The following MBTD1 variants were observed in gnomAD, a reference collection of about 807,000 sequenced individuals.
MBTD1 encodes the protein MBT domain-containing protein 1.
In MBTD1, 24 loss-of-function variants were observed where a neutral mutation model predicts 87.8. The observed-to-expected ratio is 0.27, with a 90% CI of 0.20 to 0.38. The LOEUF is 0.38. MBTD1 is among the 10% of genes least tolerant of loss of function. The pLI is 1.00. For synonymous variants in MBTD1, 237 were observed against 248.6 expected, an observed-to-expected ratio of 0.95 and a Z score of 0.44; for missense variants, 436 against 760.2, an observed-to-expected ratio of 0.57 and a Z score of 5.02.
intron 2 of MBTD1, among the ~76,000 whole-genome samples, chr17:51,247,218 C>G (rs955468759): frequency 6.6e-6 from 1 of 152,102 alleles, no homozygotes; most frequent in Admixed American, 6.5e-5. Context: ...AAAGAGAACA[C>G]AACTTTTCTC....
At chr17:51,223,415 A>G (rs188512315) in intron 3 of MBTD1, among the ~76,000 whole-genome samples, 1 of 152,122 alleles carries the variant, frequency 6.6e-6, no homozygotes, top group East Asian at 2.0e-4. Flanking sequence ...ATGTGCCTAC[A>G]GTACCAGCTA....
intron 6 of MBTD1, among the ~76,000 whole-genome samples, 190 bp from the exon 7 acceptor site, chr17:51,207,195 ATAT>A: frequency 6.6e-6 from 1 of 152,230 alleles, no homozygotes. Flanking sequence ...GAAAATTCAC[ATAT>A]ATTAGACTAG....
intron 16 of MBTD1, among the ~76,000 whole-genome samples, chr17:51,181,602 A>C (rs572586835): frequency 1.3e-5 from 2 of 152,122 alleles, no homozygotes; most frequent in South Asian, 4.2e-4. Context: ...GATTACAGTG[A>C]CCTATGATTG....
intron 16 of MBTD1, among the ~76,000 whole-genome samples, chr17:51,188,298 CCTTATA>C (rs1446450477): frequency 6.6e-6 from 1 of 152,182 alleles, no homozygotes; most frequent in Non-Finnish European, 1.5e-5. Context: ...TCTGGCAGAA[CCTTATA>C]CTTATTCTCA....
chr17:51,212,393 T>C (rs2052293335), intron 6 of MBTD1, among the ~76,000 whole-genome samples: 1 of 148,876 alleles, frequency 6.7e-6, no homozygotes, highest in South Asian at 2.1e-4. Flanking sequence ...AGAAAAAGTA[T>C]GATAAACTCA....
intron 4 of MBTD1, among the ~76,000 whole-genome samples, chr17:51,219,831 C>T (rs903288200): frequency 3.9e-5 from 6 of 152,286 alleles, no homozygotes; most frequent in Admixed American, 6.5e-5. Context: ...TAAAGCAAGA[C>T]GATTTTCTTT....
rs1304626130 is a variant in MBTD1 at position 51,202,891 on chromosome 17, T to A, written c.873A>T (p.Val291=). 1 of 1,614,056 alleles carries A rather than the reference T, an allele frequency of 6.2e-7. No individual in the cohort carries two copies. Among genetic ancestry groups the A allele is most frequent in the Admixed American group, 1.7e-5 (1 of 60,006 alleles). Residue 291 remains valine, a synonymous_variant, in exon 10 of 17, where the codon GTA becomes GTT. Coordinates refer to ENST00000586178, the MANE Select transcript of MBTD1 (RefSeq NM_017643.3). ...ACAAATGCCTCTTGTCAACCACTTC[T>A]ACTCTCATGCAAGGTTTGAAAGGAT... ...MQYPFKPCMR[V]EVVDKRHLCR...
intron 16 of MBTD1, among the ~76,000 whole-genome samples, chr17:51,191,231 T>A (rs2050792836): frequency 6.6e-6 from 1 of 151,544 alleles, no homozygotes. Flanking sequence ...CAATTCACTG[T>A]AAGGTAAAAT....
chr17:51,207,411 C>T (rs776902111), intron 6 of MBTD1, among the ~76,000 whole-genome samples: 16 of 152,214 alleles, frequency 1.1e-4, no homozygotes, highest in Middle Eastern at 3.4e-3. Flanking sequence ...AAAAACAATT[C>T]CAATCAGCAG....
Position 51,202,687 on chromosome 17 carries a change from T to C in MBTD1, c.1063+14A>G. ...ATGATGCTTTTGACAGGAGTTCTTG[T>C]GATAGGTGCTTACCAGATCTTTTGA... On this transcript the variant is annotated intron_variant, in intron 10 of 16. Transcript: ENST00000586178. 6.3e-7 allele frequency: 1 copy of C among 1,591,434 alleles called. No individual in the cohort carries two copies. Among genetic ancestry groups the C allele is most frequent in the Non-Finnish European group, 8.6e-7 (1 of 1,159,364 alleles).
At chr17:51,195,142 A>T in intron 13 of MBTD1, 72 bp downstream of exon 13, 1 of 1,402,270 alleles carries the variant, frequency 7.1e-7, no homozygotes, top group Non-Finnish European at 9.9e-7. Flanking sequence ...GGCTGTGTTA[A>T]ATGTTGTAAA....
chr17:51,235,386 C>A (rs905253723), intron 2 of MBTD1, among the ~76,000 whole-genome samples: 1 of 152,140 alleles, frequency 6.6e-6, no homozygotes, highest in African/African-American at 2.4e-5. Context: ...AATCCACCCA[C>A]CTCAGCCTCC....
intron 2 of MBTD1, among the ~76,000 whole-genome samples, chr17:51,237,706 G>A (rs1048222407): frequency 1.3e-5 from 2 of 152,156 alleles, no homozygotes; most frequent in African/African-American, 2.4e-5. Context: ...ATACATTGTG[G>A]ATGAGAATGT....
chr17:51,259,214 G>A lies in MBTD1; in HGVS notation c.-112-8C>T. On this transcript the variant is annotated splice_region_variant and splice_polypyrimidine_tract_variant and intron_variant, in intron 1 of 16. Transcript: ENST00000586178. ...CTAATGTCTCTTCCGACTCTGAAAT[G>A]TTAGGATTCTTATTTCACAAAGGAG... is the stretch of plus-strand genomic sequence containing the variant. 1 of 1,221,076 alleles carries A rather than the reference G, an allele frequency of 8.2e-7. No homozygotes were observed. The highest frequency in any genetic ancestry group is 1.0e-6 in the Non-Finnish European group (1 of 977,918). 75.6% of individuals were successfully genotyped at this position (1,221,076 alleles called of 1,614,324 possible). A position where few individuals can be genotyped will look rare whatever the true frequency, so the allele number is the denominator to read the frequency against.
Position 51,180,551 on chromosome 17 carries a change from A to AC in MBTD1, c.*24dup. On this transcript the variant is annotated 3_prime_UTR_variant, in exon 17 of 17. Transcript: ENST00000586178. ...TCAGTCCTGTGTAAAATCCTTCCCCACCCGCCCTCAGTTTCTAAGCCACCT... is the reference window on the plus strand; with the variant it reads ...TCAGTCCTGTGTAAAATCCTTCCCCACCCCGCCCTCAGTTTCTAAGCCACCT... The AC allele has an allele frequency of 7.9e-7, 1 of 1,270,168 alleles. No homozygotes were observed. The highest frequency in any genetic ancestry group is 1.1e-6 in the Non-Finnish European group (1 of 893,858). The allele number at this position is 1,270,168 out of a possible 1,614,324, so 78.7% of individuals were successfully genotyped here. A position where few individuals can be genotyped will look rare whatever the true frequency, so the allele number is the denominator to read the frequency against.
intron 12 of MBTD1, among the ~76,000 whole-genome samples, chr17:51,196,722 C>T (rs1044799425): frequency 2.6e-5 from 4 of 151,558 alleles, no homozygotes; most frequent in African/African-American, 7.3e-5. Flanking sequence ...GAAACCCAGT[C>T]TCTACTAAAA....
At chr17:51,245,314 T>C (rs776367029) in intron 2 of MBTD1, among the ~76,000 whole-genome samples, 3 of 152,192 alleles carry the variant, frequency 2.0e-5, no homozygotes, top group Non-Finnish European at 2.9e-5. Context: ...GAAATTTACA[T>C]TTACCCTTTA....
chr17:51,218,501 C>G (rs557289887), intron 5 of MBTD1, among the ~76,000 whole-genome samples: 2 of 145,312 alleles, frequency 1.4e-5, no homozygotes, highest in South Asian at 4.4e-4. Context: ...TGAACTCTAG[C>G]CTGAGTGACA....
Position 51,179,901 on chromosome 17 carries a change from T to G in MBTD1, c.*675A>C, listed in dbSNP as rs1406648401. The G allele has an allele frequency of 6.6e-6, 1 of 152,132 alleles. No individual in the cohort carries two copies. Among genetic ancestry groups the G allele is most frequent in the Non-Finnish European group, 1.5e-5 (1 of 68,010 alleles). The allele number at this position is 152,132 out of a possible 1,614,324, so 9.4% of individuals were successfully genotyped here. On this transcript the variant is annotated 3_prime_UTR_variant, in exon 17 of 17. Coordinates refer to ENST00000586178, the MANE Select transcript of MBTD1 (RefSeq NM_017643.3). ...TTTAGTGTTAGGATAATTCTAATCA[T>G]TTTTTTAATTAAAAGAGAACATATA...
Sources: allele counts gnomAD v4.1 joint callset (sites outside exome capture counted in the v4.1 genomes callset), GRCh38; gene constraint gnomAD v4.1.1; transcripts MANE v1.5; gene names NCBI Gene and HGNC (gene_info 2026-07-23, HGNC 2026-07-21).